MEGF11: variants seen among roughly 807,000 people sequenced by gnomAD.
The protein encoded by MEGF11 is multiple EGF like domains 11.
In MEGF11, 126 loss-of-function variants were observed where a neutral mutation model predicts 146.6. That is an observed-to-expected ratio of 0.86 (90% CI 0.74 to 1.00). MEGF11 has a LOEUF of 1.00. MEGF11 is among the 50% of genes least tolerant of loss of function. The probability of loss-of-function intolerance (pLI) is 0.00; values close to 1 mark genes in which losing one functional copy is unlikely to be tolerated. For missense variants in MEGF11, 1,509 were observed against 1,521.2 expected (o/e 0.99, Z 0.13); for synonymous variants, 532 against 583.4 (o/e 0.91, Z 1.27).
At chr15:66,200,597 G>A (rs1395781385) in intron 1 of MEGF11, among the ~76,000 whole-genome samples, 8 of 152,120 alleles carry the variant, frequency 5.3e-5, no homozygotes, top group Non-Finnish European at 1.0e-4. Context: ...GAATGACAGA[G>A]CCTAGGCTAC....
intron 24 of MEGF11, chr15:65,902,587 A>G (rs1317175051): frequency 6.6e-6 from 1 of 152,192 alleles, no homozygotes; most frequent in African/African-American, 2.4e-5. Context: ...AGCTGCTCTT[A>G]GATACTTCCT....
chr15:66,105,113 G>A (rs920934415), intron 4 of MEGF11, among the ~76,000 whole-genome samples: 3 of 151,972 alleles, frequency 2.0e-5, no homozygotes, highest in African/African-American at 7.3e-5. Context: ...GAGTTTCCAT[G>A]CAGAGATGCA....
In MEGF11 at chr15:66,128,313, A is replaced by G; in HGVS notation, c.91T>C (p.Trp31Arg). The stretch of plus-strand genomic sequence containing the variant: ...CTGAGGCCCACACCTTACCTCTCCC[A>G]GTGGCTGCACACGTTGGGGTCCTCG... ...NPEDPNVCSHWESYAVTVQES... is the reference protein window; with the variant it reads ...NPEDPNVCSHRESYAVTVQES... Residue 31 changes from tryptophan to arginine, a missense_variant, in exon 2 of 26, where the codon TGG becomes CGG. Trp to Arg is a moderately radical substitution (Grantham distance 101, BLOSUM62 -3). Coordinates refer to ENST00000395614, the MANE Select transcript of MEGF11 (RefSeq NM_001385028.1). 6.6e-7 allele frequency: 1 copy of G among 1,510,902 alleles called. No homozygotes were observed. Among genetic ancestry groups the G allele is most frequent in the Non-Finnish European group, 8.9e-7 (1 of 1,128,252 alleles). The allele number at this position is 1,510,902 out of a possible 1,614,324, so 93.6% of individuals were successfully genotyped here.
chr15:66,021,152 C>T (rs1267807198), intron 5 of MEGF11, among the ~76,000 whole-genome samples: 2 of 152,098 alleles, frequency 1.3e-5, no homozygotes, highest in Non-Finnish European at 2.9e-5. Context: ...CAGGGGCCTG[C>T]AGGGACAACG....
At chr15:66,243,593 A>T (rs1188952754) in intron 1 of MEGF11, among the ~76,000 whole-genome samples, 2 of 152,212 alleles carry the variant, frequency 1.3e-5, no homozygotes, top group Non-Finnish European at 2.9e-5. Flanking sequence ...AGTGTATTTT[A>T]GGGCCTCAGA....
At chr15:66,245,042 A>G (rs1169029034) in intron 1 of MEGF11, among the ~76,000 whole-genome samples, 1 of 152,206 alleles carries the variant, frequency 6.6e-6, no homozygotes, top group Non-Finnish European at 1.5e-5. Context: ...AGTTCATGGG[A>G]AGGAAAGATC....
chr15:65,955,771 T>TAG (rs1567174949), intron 10 of MEGF11, among the ~76,000 whole-genome samples: 4 of 6,794 alleles, frequency 5.9e-4, no homozygotes, highest in Non-Finnish European at 1.1e-3. Context: ...AATATATATA[T>TAG]ATATATATAT....
chr15:66,070,740 T>TGA (rs1253502948), intron 5 of MEGF11, among the ~76,000 whole-genome samples: 3 of 152,190 alleles, frequency 2.0e-5, no homozygotes, highest in African/African-American at 7.2e-5. Context: ...TCTCCTCATC[T>TGA]GTGGAATGGG....
intron 1 of MEGF11, among the ~76,000 whole-genome samples, chr15:66,178,749 C>T (rs1814438493): frequency 6.6e-6 from 1 of 152,072 alleles, no homozygotes; most frequent in Admixed American, 6.5e-5. Context: ...TTCAGAGGGA[C>T]CAACCCCTTG....
chr15:66,133,812 A>T (rs1292189575), intron 1 of MEGF11, among the ~76,000 whole-genome samples: 1 of 152,184 alleles, frequency 6.6e-6, no homozygotes, highest in Non-Finnish European at 1.5e-5. Flanking sequence ...TTTAAAAATA[A>T]ATCCACAGCT....
At chr15:65,915,195 C>T (rs1449666913) in intron 19 of MEGF11, among the ~76,000 whole-genome samples, 1 of 152,216 alleles carries the variant, frequency 6.6e-6, no homozygotes, top group Admixed American at 6.5e-5. Flanking sequence ...CTAACTTGGT[C>T]TGGTGGCCTT....
chr15:66,164,501 C>T (rs529692648), intron 1 of MEGF11, among the ~76,000 whole-genome samples: 2 of 152,290 alleles, frequency 1.3e-5, no homozygotes, highest in African/African-American at 4.8e-5. Context: ...TGGGCAAGTG[C>T]ATTACTTCTC....
At chr15:66,104,978 C>G (rs1466829557) in intron 4 of MEGF11, among the ~76,000 whole-genome samples, 2 of 152,064 alleles carry the variant, frequency 1.3e-5, no homozygotes, top group African/African-American at 4.8e-5. Flanking sequence ...ACTGCAGAAA[C>G]CCCTCCAACC....
chr15:66,062,244 G>C (rs2084936727), intron 5 of MEGF11, among the ~76,000 whole-genome samples: 1 of 152,262 alleles, frequency 6.6e-6, no homozygotes. Context: ...TCTTGAGTAT[G>C]GGCTGAACTT....
At chr15:66,096,089 G>T (rs1344871299) in intron 4 of MEGF11, among the ~76,000 whole-genome samples, 1 of 152,136 alleles carries the variant, frequency 6.6e-6, no homozygotes, top group Non-Finnish European at 1.5e-5. Context: ...CTCCCCATGG[G>T]ATGCCAGCCC....
At chr15:66,034,269 A>G (rs2083641645) in intron 5 of MEGF11, among the ~76,000 whole-genome samples, 1 of 152,236 alleles carries the variant, frequency 6.6e-6, no homozygotes, top group African/African-American at 2.4e-5. Context: ...TATCTGATTC[A>G]GATGAGACTC....
At chr15:65,955,753 A>T (rs1320494390) in intron 10 of MEGF11, among the ~76,000 whole-genome samples, 1 of 16,900 alleles carries the variant, frequency 5.9e-5, no homozygotes, top group African/African-American at 1.4e-4. Context: ...AAAAAAAAAA[A>T]AAAAAAAAAT....
intron 1 of MEGF11, among the ~76,000 whole-genome samples, chr15:66,175,332 G>A (rs1385078555): frequency 2.0e-5 from 3 of 152,046 alleles, no homozygotes; most frequent in Admixed American, 6.6e-5. Context: ...CCGAAAATGC[G>A]TATGGAGCCA....
At chr15:65,949,432 C>A (rs1297091642) in intron 10 of MEGF11, among the ~76,000 whole-genome samples, 1 of 152,232 alleles carries the variant, frequency 6.6e-6, no homozygotes, top group Non-Finnish European at 1.5e-5. Flanking sequence ...TGATGGAGTG[C>A]CTGCTCCCCT....
Sources: allele counts gnomAD v4.1 joint callset (sites outside exome capture counted in the v4.1 genomes callset), GRCh38; gene constraint gnomAD v4.1.1; transcripts MANE v1.5; gene names NCBI Gene and HGNC (gene_info 2026-07-23, HGNC 2026-07-21).